SLC26A7: variants seen among roughly 807,000 people sequenced by gnomAD.
The protein encoded by SLC26A7 is anion exchange transporter.
SLC26A7 carries 59 observed loss-of-function variants against 82.5 expected under a neutral mutation model. The ratio of observed to expected loss-of-function variants is 0.72; its 90% confidence interval spans 0.58 to 0.89. SLC26A7 has a LOEUF of 0.89. Among genes scored for constraint, SLC26A7 ranks in the 40% least tolerant of loss-of-function variants. SLC26A7 has a pLI of 0.00. For synonymous variants in SLC26A7, 271 were observed against 274.3 expected, an observed-to-expected ratio of 0.99 and a Z score of 0.12; for missense variants, 820 against 793.0, an observed-to-expected ratio of 1.03 and a Z score of -0.41.
intron 1 of SLC26A7, among the ~76,000 whole-genome samples, chr8:91,212,939 G>C (rs556738329): frequency 2.3e-3 from 352 of 152,218 alleles, no homozygotes; most frequent in African/African-American, 8.0e-3. Context: ...ACTCCTGTGA[G>C]AACTCCTCGA....
In SLC26A7 at chr8:91,342,461, T is replaced by C. The variant is rs144454675; in HGVS notation, c.1027-892T>C. On this transcript the variant is annotated intron_variant, in intron 8 of 18. Transcript: ENST00000276609. ...GGGGAATTTGCAATAATCCAAGTGA[T>C]ATTTGATGACTTGGACCATGATGTA... 3.3e-5 allele frequency among the ~76,000 whole-genome samples: 5 copies of C among 152,342 alleles called. No homozygotes were observed. In the East Asian group the frequency reaches 9.6e-4, roughly 29 times the overall value.
chr8:91,257,623 A>T (rs1282228855), intron 2 of SLC26A7, among the ~76,000 whole-genome samples: 1 of 152,030 alleles, frequency 6.6e-6, no homozygotes, highest in African/African-American at 2.4e-5. Context: ...AAAATAAAAA[A>T]ATAAAAAAAA....
chr8:91,312,641 C>CTGTGTG (rs56386837), intron 4 of SLC26A7, among the ~76,000 whole-genome samples: 19 of 149,542 alleles, frequency 1.3e-4, no homozygotes, highest in African/African-American at 4.4e-4. Context: ...GTAGGTGTGT[C>CTGTGTG]TGTGTGTGTG....
intron 2 of SLC26A7, among the ~76,000 whole-genome samples, chr8:91,286,946 G>A (rs1186449347): frequency 6.6e-6 from 1 of 152,102 alleles, no homozygotes; most frequent in East Asian, 1.9e-4. Flanking sequence ...GTTCTTATTT[G>A]TGGAAAGGAT....
chr8:91,376,386 T>C (rs1814517479), intron 15 of SLC26A7, among the ~76,000 whole-genome samples: 2 of 152,208 alleles, frequency 1.3e-5, no homozygotes, highest in African/African-American at 4.8e-5. Context: ...TGGATGGGAC[T>C]TTTACATTTT....
intron 2 of SLC26A7, among the ~76,000 whole-genome samples, chr8:91,255,584 G>T: frequency 6.6e-6 from 1 of 152,060 alleles, no homozygotes; most frequent in East Asian, 1.9e-4. Flanking sequence ...TGAGTCTAAA[G>T]TATATTTTCC....
At chr8:91,274,826 G>C (rs996737029) in intron 2 of SLC26A7, among the ~76,000 whole-genome samples, 1 of 152,172 alleles carries the variant, frequency 6.6e-6, no homozygotes, top group Non-Finnish European at 1.5e-5. Flanking sequence ...CTACCTGAAG[G>C]TAAGAAGATA....
chr8:91,212,696 T>C (rs1405182905), intron 1 of SLC26A7, among the ~76,000 whole-genome samples: 1 of 152,164 alleles, frequency 6.6e-6, no homozygotes, highest in Admixed American at 6.6e-5. Context: ...CAGTCAACTG[T>C]GAAAATGAAT....
intron 15 of SLC26A7, among the ~76,000 whole-genome samples, chr8:91,386,436 T>C (rs1814800611): frequency 6.6e-6 from 1 of 152,160 alleles, no homozygotes; most frequent in Non-Finnish European, 1.5e-5. Context: ...TACTATTTTA[T>C]AAAAGAGGTA....
intron 2 of SLC26A7, among the ~76,000 whole-genome samples, chr8:91,279,645 C>T (rs935425246): frequency 1.4e-4 from 19 of 133,060 alleles, no homozygotes; most frequent in Admixed American, 1.1e-3. Flanking sequence ...CTGCAAGCTC[C>T]GCCTCCCGGG....
chr8:91,369,190 G>T (rs1304008206), intron 14 of SLC26A7, among the ~76,000 whole-genome samples: 1 of 152,212 alleles, frequency 6.6e-6, no homozygotes, highest in African/African-American at 2.4e-5. Context: ...TCATATGCTT[G>T]TTCTGAGGAT....
chr8:91,331,047 T>G (rs1281512907), intron 5 of SLC26A7, among the ~76,000 whole-genome samples: 1 of 152,086 alleles, frequency 6.6e-6, no homozygotes, highest in East Asian at 1.9e-4. Flanking sequence ...GACATGGTAT[T>G]TCTCCTGTAC....
In SLC26A7 at chr8:91,295,609, C is replaced by G; in HGVS notation, c.383C>G (p.Thr128Arg). 1.2e-6 allele frequency: 2 copies of G among 1,614,152 alleles called. No individual in the cohort carries two copies. Among genetic ancestry groups the G allele is most frequent in the Non-Finnish European group, 1.7e-6 (2 of 1,179,994 alleles). ...CCTCAGAACATGCAGAATCTCACCA[C>G]ACAGAGTAACACAAGCGTGCTGGGC... ...IVPQNMQNLT[T>R]QSNTSVLGLS... The change falls in exon 4 of 19, where the codon ACA (threonine) becomes AGA (arginine). Residue 128 changes from threonine to arginine, a missense_variant. Thr to Arg is a moderately conservative substitution (Grantham distance 71, BLOSUM62 -1). Transcript: ENST00000276609.
At chr8:91,337,968 T>C (rs2130836581) in intron 6 of SLC26A7, among the ~76,000 whole-genome samples, 182 bp from the exon 7 acceptor site, 1 of 152,292 alleles carries the variant, frequency 6.6e-6, no homozygotes, top group South Asian at 2.1e-4. Flanking sequence ...GTCAGTGCTC[T>C]CAAAACTGAG....
intron 13 of SLC26A7, among the ~76,000 whole-genome samples, chr8:91,365,251 GGAA>G (rs1814160405): frequency 6.6e-6 from 1 of 152,174 alleles, no homozygotes. Flanking sequence ...GGGCCACACT[GGAA>G]GAAGAATTGT....
At position 91,259,152 on chromosome 8, in the gene SLC26A7, A is replaced by G. The variant is rs556204834; in HGVS notation, c.193+9308A>G. Among the ~76,000 whole-genome samples, 3 of 152,236 alleles carry G rather than the reference A, an allele frequency of 2.0e-5. No individual in the cohort carries two copies. The South Asian group carries it at 6.2e-4, about 32-fold the overall frequency. ...TGGGAATCAATGTTTAAATACCAGA[A>G]GACTTAATTTTAAAATGGAAGGCTT... On this transcript the variant is annotated intron_variant, in intron 2 of 18. Coordinates refer to ENST00000276609, the MANE Select transcript of SLC26A7 (RefSeq NM_052832.4).
intron 3 of SLC26A7, among the ~76,000 whole-genome samples, chr8:91,291,784 A>T (rs1358843495): frequency 6.6e-6 from 1 of 152,244 alleles, no homozygotes; most frequent in African/African-American, 2.4e-5. Flanking sequence ...AGTCTACTTG[A>T]TAAATAATAT....
chr8:91,322,463 C>A (rs540424293), intron 5 of SLC26A7, among the ~76,000 whole-genome samples: 1 of 152,086 alleles, frequency 6.6e-6, no homozygotes, highest in East Asian at 1.9e-4. Flanking sequence ...AATATTTGAC[C>A]AGTAAGTTGG....
At chr8:91,330,124 T>C (rs1420983628) in intron 5 of SLC26A7, among the ~76,000 whole-genome samples, 2 of 152,168 alleles carry the variant, frequency 1.3e-5, no homozygotes, top group African/African-American at 4.8e-5. Context: ...TGTATCTGAT[T>C]ACATAACTAG....
Sources: allele counts gnomAD v4.1 joint callset (sites outside exome capture counted in the v4.1 genomes callset), GRCh38; gene constraint gnomAD v4.1.1; transcripts MANE v1.5; gene names NCBI Gene and HGNC (gene_info 2026-07-23, HGNC 2026-07-21).